PPFIA2: variants seen among roughly 807,000 people sequenced by gnomAD.
PPFIA2 encodes liprin-alpha-2.
In PPFIA2, 46 loss-of-function variants were observed where a neutral mutation model predicts 175.5. The observed-to-expected ratio is 0.26, with a 90% CI of 0.21 to 0.34. The LOEUF is 0.34. PPFIA2 is among the 10% of genes least tolerant of loss of function. The pLI, the probability that PPFIA2 is intolerant of heterozygous loss-of-function variation, is 1.00. For missense variants in PPFIA2, 1,179 were observed against 1,506.1 expected, an observed-to-expected ratio of 0.78 and a Z score of 3.60; for synonymous variants, 568 against 511.4, an observed-to-expected ratio of 1.11 and a Z score of -1.49.
chr12:81,677,729 G>T (rs76551365), intron 3 of PPFIA2, among the ~76,000 whole-genome samples: 1 of 151,780 alleles, frequency 6.6e-6, no homozygotes, highest in African/African-American at 2.4e-5. Flanking sequence ...TAAAGAGATC[G>T]ATTTTTAACC....
chr12:81,422,947 C>T (rs1483431775), intron 7 of PPFIA2, among the ~76,000 whole-genome samples: 2 of 152,062 alleles, frequency 1.3e-5, no homozygotes, highest in Admixed American at 1.3e-4. Flanking sequence ...GGAGACATTA[C>T]AACGAATGCC....
At chr12:81,306,683 G>A (rs184888680) in intron 22 of PPFIA2, among the ~76,000 whole-genome samples, 52 of 151,656 alleles carry the variant, frequency 3.4e-4, no homozygotes, top group African/African-American at 1.3e-3. Flanking sequence ...TGTGATTATA[G>A]GCACGTGCCA....
intron 22 of PPFIA2, among the ~76,000 whole-genome samples, chr12:81,322,194 G>A (rs914316671): frequency 3.3e-5 from 5 of 152,058 alleles, no homozygotes; most frequent in African/African-American, 1.2e-4. Flanking sequence ...TTAAAACATA[G>A]GCTGGAAAGC....
At chr12:81,729,171 A>G (rs1343932) in intron 3 of PPFIA2, among the ~76,000 whole-genome samples, 48,774 of 151,336 alleles carry the variant, frequency 0.32, 8,814 homozygotes, top group Middle Eastern at 0.52. Context: ...GTTTTTTTAT[A>G]GGGTCCAAAT....
intron 8 of PPFIA2, among the ~76,000 whole-genome samples, chr12:81,405,081 C>T (rs2042700406): frequency 6.6e-6 from 1 of 152,156 alleles, no homozygotes; most frequent in African/African-American, 2.4e-5. Context: ...CCTTCTTCCT[C>T]TTCTGTTGGA....
chr12:81,721,737 C>T (rs745911241), intron 3 of PPFIA2, among the ~76,000 whole-genome samples: 2 of 151,096 alleles, frequency 1.3e-5, no homozygotes, highest in African/African-American at 2.4e-5. Flanking sequence ...AATTTCATGA[C>T]AGAGCACTGA....
rs142973763 is a variant in PPFIA2, at chr12:81,357,801, T to G, written c.1773+281A>C. ...TTGCTACCTGTGCAATGTTGAACAT[T>G]TAGCTTTTCTGAGCCTCAGTGTTTT... On this transcript the variant is annotated intron_variant, in intron 16 of 32. Coordinates refer to ENST00000549396, the MANE Select transcript of PPFIA2 (RefSeq NM_003625.5). Among the ~76,000 whole-genome samples, 142 of 151,894 alleles carry G rather than the reference T, an allele frequency of 9.3e-4. 1 individual carries two copies. The highest frequency in any genetic ancestry group is 3.2e-3 in the African/African-American group (132 of 41,224).
chr12:81,373,038 C>A (rs2035553081), intron 11 of PPFIA2, among the ~76,000 whole-genome samples: 1 of 151,498 alleles, frequency 6.6e-6, no homozygotes, highest in South Asian at 2.1e-4. Context: ...ATCAATAATT[C>A]TTGGGAGTAT....
At chr12:81,490,719 AC>A (rs1181613698) in intron 4 of PPFIA2, among the ~76,000 whole-genome samples, 1 of 151,880 alleles carries the variant, frequency 6.6e-6, no homozygotes, top group African/African-American at 2.4e-5. Flanking sequence ...CCATTCCAGC[AC>A]ACTGTTTTCT....
intron 7 of PPFIA2, chr12:81,430,631 C>T (rs924749283): frequency 6.6e-6 from 1 of 151,786 alleles, no homozygotes; most frequent in Non-Finnish European, 1.5e-5. Context: ...AGTCTCATAT[C>T]TCTCCTTCCT....
At chr12:81,284,171 G>A (rs2042736027) in intron 25 of PPFIA2, 70 bp downstream of exon 25, 1 of 1,183,000 alleles carries the variant, frequency 8.5e-7, no homozygotes, top group South Asian at 1.3e-5. Context: ...ATTGTAAACA[G>A]ATTAGTTTCC....
chr12:81,322,658 A>T (rs1354692159), intron 22 of PPFIA2, among the ~76,000 whole-genome samples: 1 of 152,214 alleles, frequency 6.6e-6, no homozygotes, highest in Non-Finnish European at 1.5e-5. Context: ...TTTAAAGAAA[A>T]GTACAGCAAA....
At chr12:81,648,092 T>C (rs895274527) in intron 4 of PPFIA2, among the ~76,000 whole-genome samples, 1 of 150,992 alleles carries the variant, frequency 6.6e-6, no homozygotes, top group Non-Finnish European at 1.5e-5. Context: ...TGACCCATTA[T>C]GTTTTAGTAA....
intron 4 of PPFIA2, chr12:81,512,451 C>A: frequency 1.3e-6 from 1 of 789,838 alleles, no homozygotes; most frequent in South Asian, 1.9e-5. Context: ...AAATTCTAAT[C>A]TTCCTTTAAA....
intron 4 of PPFIA2, among the ~76,000 whole-genome samples, chr12:81,522,568 T>C (rs998902897): frequency 5.3e-5 from 8 of 152,218 alleles, no homozygotes; most frequent in African/African-American, 1.9e-4. Context: ...ATCAGGCTCC[T>C]GCTAGCTCAG....
At chr12:81,261,513 TCCTGTCTGTTGCTATTTGA>T in intron 32 of PPFIA2, among the ~76,000 whole-genome samples, 1 of 152,302 alleles carries the variant, frequency 6.6e-6, no homozygotes, top group East Asian at 1.9e-4. Flanking sequence ...TAAATCATTT[TCCTGTCTGTTGCTATTTGA>T]CTCGGTGAAC....
At chr12:81,518,253 C>T (rs1375210011) in intron 4 of PPFIA2, among the ~76,000 whole-genome samples, 1 of 152,122 alleles carries the variant, frequency 6.6e-6, no homozygotes, top group Admixed American at 6.6e-5. Flanking sequence ...TTTACAATGA[C>T]TTGATCCTGA....
At chr12:81,305,763 T>C (rs934750817) in intron 22 of PPFIA2, among the ~76,000 whole-genome samples, 1 of 152,210 alleles carries the variant, frequency 6.6e-6, no homozygotes, top group Non-Finnish European at 1.5e-5. Context: ...TAAAATTACT[T>C]ATTAGACAAT....
chr12:81,266,846 G>T, intron 30 of PPFIA2, 106 bp downstream of exon 30: 2 of 791,952 alleles, frequency 2.5e-6, no homozygotes, highest in East Asian at 2.7e-5. Flanking sequence ...TCTAACCATA[G>T]AACAGTCATT....
Sources: allele counts gnomAD v4.1 joint callset (sites outside exome capture counted in the v4.1 genomes callset), GRCh38; gene constraint gnomAD v4.1.1; transcripts MANE v1.5; gene names NCBI Gene and HGNC (gene_info 2026-07-23, HGNC 2026-07-21).